Variants in GAK observed in about 807,000 individuals in gnomAD.
The protein encoded by GAK is cyclin G associated kinase.
In GAK, 79 loss-of-function variants were observed where a neutral mutation model predicts 143.9. That is an observed-to-expected ratio of 0.55 (90% confidence interval 0.46 to 0.66). The LOEUF (loss-of-function observed/expected upper bound fraction) is 0.66, where lower values mean the gene tolerates loss of function less well. Ranked by LOEUF, GAK falls within the 30% of genes least tolerant of loss-of-function variation. The pLI is 0.00. For synonymous variants in GAK, 881 were observed against 765.5 expected (o/e 1.15, Z -2.49); for missense variants, 1,693 against 1,779.7 (o/e 0.95, Z 0.88).
Position 932,178 on chromosome 4 carries a change from G to A in GAK, c.10C>T (p.Leu4=). 1 of 1,559,480 alleles carries A rather than the reference G, an allele frequency of 6.4e-7. No individual in the cohort carries two copies. The highest frequency in any genetic ancestry group is 8.6e-7 in the Non-Finnish European group (1 of 1,156,226). The part of the protein sequence containing the change: MSL[L]QSALDFLAGP... ...GCCAAGAAGTCGAGCGCCGACTGCA[G>A]CAGCGACATGGCGGTGGCTGCGCCG... Residue 4 remains leucine (L), a synonymous_variant, in exon 1 of 28, where the codon CTG becomes TTG. Coordinates refer to ENST00000314167, the MANE Select transcript of GAK (RefSeq NM_005255.4). The surrounding 1 kb of genome is among the most constrained non-coding windows in gnomAD (Gnocchi z 4.0).
At chr4:873,782 G>A (rs1456540299) in intron 18 of GAK, among the ~76,000 whole-genome samples, 1 of 152,174 alleles carries the variant, frequency 6.6e-6, no homozygotes, top group Non-Finnish European at 1.5e-5. Flanking sequence ...CGTGTGCAAG[G>A]GTTTTGAAGT....
chr4:863,571 C>G (rs1750654443), intron 23 of GAK, among the ~76,000 whole-genome samples: 1 of 152,204 alleles, frequency 6.6e-6, no homozygotes, highest in Admixed American at 6.5e-5. Flanking sequence ...CCACAGCCAC[C>G]CCAGCCTTCA....
At chr4:931,852 C>T (rs1340113052) in intron 1 of GAK, among the ~76,000 whole-genome samples, 191 bp downstream of exon 1, 1 of 152,186 alleles carries the variant, frequency 6.6e-6, no homozygotes, top group Non-Finnish European at 1.5e-5. Flanking sequence ...CCTACGCCCG[C>T]GCTATGACCT....
At chr4:884,164 G>T (rs377700113) in intron 11 of GAK, 78 bp from the exon 12 acceptor site, 1 of 1,298,422 alleles carries the variant, frequency 7.7e-7, no homozygotes, top group Non-Finnish European at 1.1e-6. Flanking sequence ...GCCAGAGCCC[G>T]AGGCCTGGAG....
intron 19 of GAK, 59 bp from the exon 20 acceptor site, chr4:868,744 T>C (rs1207146904): frequency 2.6e-6 from 4 of 1,513,940 alleles, no homozygotes; most frequent in Non-Finnish European, 2.7e-6. Context: ...GGGGCAACAC[T>C]GACCCCAGAG....
At chr4:873,022 GCGCAGGCTCACCA>G in intron 18 of GAK, among the ~76,000 whole-genome samples, 1 of 151,606 alleles carries the variant, frequency 6.6e-6, no homozygotes, top group African/African-American at 2.4e-5. Flanking sequence ...CCCAGGCACG[GCGCAGGCTCACCA>G]CGCAGGGAAC....
At position 851,840 on chromosome 4, in the gene GAK, T is replaced by C; in HGVS notation, c.3418A>G (p.Lys1140Glu). ...TTAGGCCTTGGCTGTGTGCAGGCTTTGGGGGGCGGCTTGGCCTGAGGGGGC... is the reference window on the plus strand; with the variant it reads ...TTAGGCCTTGGCTGTGTGCAGGCTTCGGGGGGCGGCTTGGCCTGAGGGGGC... ...SWPPQAKPPP[K>E]ACTQPRPNYA... Residue 1140 changes from lysine (K) to glutamate (E), a missense_variant, in exon 25 of 28, where the codon AAA (lysine) becomes GAA (glutamate). Around this residue, in one of 2 missense-constraint regions of GAK, gnomAD observed 822 missense variants for 788.7 expected, o/e 1.04. Coordinates refer to ENST00000314167, the MANE Select transcript of GAK (RefSeq NM_005255.4). 6.2e-7 allele frequency: 1 copy of C among 1,609,536 alleles called. No individual in the cohort carries two copies. The highest frequency in any genetic ancestry group is 8.5e-7 in the Non-Finnish European group (1 of 1,177,320).
At chr4:921,339 G>C (rs529403200) in intron 1 of GAK, among the ~76,000 whole-genome samples, 4 of 152,022 alleles carry the variant, frequency 2.6e-5, no homozygotes, top group African/African-American at 9.7e-5. Context: ...CTGGCTTCAG[G>C]TGCCTTGGCC....
At chr4:915,704 A>G (rs978510458) in intron 1 of GAK, 1 of 152,226 alleles carries the variant, frequency 6.6e-6, no homozygotes. Flanking sequence ...CGAGGACAGA[A>G]AGAAACCTCC....
chr4:895,816 G>A (rs1035186263), intron 7 of GAK, among the ~76,000 whole-genome samples: 4 of 152,196 alleles, frequency 2.6e-5, no homozygotes, highest in African/African-American at 4.8e-5. Context: ...GGCTCTGAGC[G>A]CAGCAAGGCT....
intron 15 of GAK, among the ~76,000 whole-genome samples, chr4:880,743 G>C (rs1291273627): frequency 3.3e-5 from 5 of 152,228 alleles, no homozygotes; most frequent in African/African-American, 1.2e-4. Context: ...ATGTGAAAAG[G>C]CCATGAACTT....
intron 5 of GAK, among the ~76,000 whole-genome samples, chr4:901,796 C>T (rs1048240962): frequency 1.3e-4 from 20 of 152,228 alleles, no homozygotes; most frequent in Non-Finnish European, 1.2e-4. Context: ...GCATCCTCCA[C>T]AAGCCGTGGC....
intron 24 of GAK, among the ~76,000 whole-genome samples, chr4:856,124 G>GACCACACCTGCTCACCACAGCTGCTC (rs1163384811): frequency 2.8e-4 from 43 of 151,958 alleles, no homozygotes; most frequent in Non-Finnish European, 4.4e-4. Context: ...GAGTAGCTGG[G>GACCACACCTGCTCACCACAGCTGCTC]ACCACACCTG....
At chr4:853,618 A>AGG (rs1024621560) in intron 24 of GAK, 7 of 151,360 alleles carry the variant, frequency 4.6e-5, no homozygotes, top group African/African-American at 1.7e-4. Context: ...GCAAGGCATG[A>AGG]GGCACGCGGC....
chr4:893,705 G>A (rs745950695), intron 8 of GAK, among the ~76,000 whole-genome samples, 169 bp downstream of exon 8: 9 of 134,618 alleles, frequency 6.7e-5, no homozygotes, highest in Non-Finnish European at 1.3e-4. Flanking sequence ...CGGGGTGGGC[G>A]GCAGGGGAGC....
At chr4:854,195 T>C (rs1244814870) in intron 24 of GAK, among the ~76,000 whole-genome samples, 1 of 151,376 alleles carries the variant, frequency 6.6e-6, no homozygotes, top group African/African-American at 2.4e-5. Context: ...AGGACAATAG[T>C]GGAGGGAAGG....
At chr4:852,186 A>T in intron 24 of GAK, 1 of 609,648 alleles carries the variant, frequency 1.6e-6, no homozygotes, top group Non-Finnish European at 2.9e-6. Flanking sequence ...CGACGGGAAC[A>T]CTCTGGATGG....
chr4:891,752 G>A, intron 9 of GAK, among the ~76,000 whole-genome samples: 1 of 152,098 alleles, frequency 6.6e-6, no homozygotes, highest in East Asian at 1.9e-4. Context: ...CCGGGGGAGT[G>A]GGCAGGCATT....
chr4:922,954 A>C (rs1022457077), intron 1 of GAK, among the ~76,000 whole-genome samples: 2 of 152,188 alleles, frequency 1.3e-5, no homozygotes, highest in African/African-American at 4.8e-5. Flanking sequence ...CACGCAGAGG[A>C]GTCTCACCAC....
Sources: allele counts gnomAD v4.1 joint callset (sites outside exome capture counted in the v4.1 genomes callset), GRCh38; gene constraint gnomAD v4.1.1; regional missense constraint gnomAD v4.1.1; non-coding constraint Gnocchi (gnomAD v3.1); transcripts MANE v1.5; gene names NCBI Gene and HGNC (gene_info 2026-07-23, HGNC 2026-07-21).